Variants in ABCD3 observed in about 807,000 individuals in gnomAD.
ABCD3 encodes ATP binding cassette subfamily D member 3.
Under a neutral mutation model 105.5 loss-of-function variants are expected in ABCD3, and 41 were observed. The observed-to-expected ratio is 0.39, with a 90% CI of 0.30 to 0.50. ABCD3 has a LOEUF of 0.50. Ranked by LOEUF, ABCD3 falls within the 20% of genes least tolerant of loss-of-function variation. The pLI, the probability that ABCD3 is intolerant of heterozygous loss-of-function variation, is 0.84. For missense variants in ABCD3, 622 were observed against 806.3 expected (o/e 0.77, Z 2.77); for synonymous variants, 258 against 269.0 (o/e 0.96, Z 0.40).
At chr1:94,464,249 T>C (rs748587864) in intron 2 of ABCD3, among the ~76,000 whole-genome samples, 15 of 152,264 alleles carry the variant, frequency 9.9e-5, no homozygotes, top group South Asian at 2.1e-4. Context: ...AGACTGTATA[T>C]TGGAAATGTT....
rs1487661143 is a variant in ABCD3, at chr1:94,498,467, A to G, written c.1387-135A>G. 3 of 888,010 alleles carry G rather than the reference A, an allele frequency of 3.4e-6. No homozygotes were observed. The East Asian group carries it at 7.9e-5, about 23-fold the overall frequency. 55.0% of individuals were successfully genotyped at this position (888,010 alleles called of 1,614,324 possible). Reference sequence around the variant, plus strand: ...CAATACCTCTTCACTGCTCTACCTAATGCTACATTTACAGACAAATAGAAG... The same window carrying G: ...CAATACCTCTTCACTGCTCTACCTAGTGCTACATTTACAGACAAATAGAAG... On this transcript the variant is annotated intron_variant, in intron 16 of 22. Coordinates refer to ENST00000370214, the MANE Select transcript of ABCD3 (RefSeq NM_002858.4).
intron 20 of ABCD3, among the ~76,000 whole-genome samples, chr1:94,500,172 CTT>C (rs1320517728): frequency 2.6e-5 from 4 of 152,146 alleles, no homozygotes; most frequent in African/African-American, 9.7e-5. Flanking sequence ...AAAGAAACTA[CTT>C]TAATTGTTAT....
chr1:94,498,916 C>T (rs1649964797), intron 18 of ABCD3, 29 bp from the exon 19 acceptor site: 1 of 1,610,998 alleles, frequency 6.2e-7, no homozygotes. Flanking sequence ...CATGTTGCTT[C>T]TAATTGACTT....
intron 1 of ABCD3, chr1:94,419,322 AGGTG>A: frequency 1.0e-6 from 1 of 985,388 alleles, no homozygotes; most frequent in Non-Finnish European, 1.2e-6. Flanking sequence ...AGTGTGGTTT[AGGTG>A]AGGATCAAGC....
the ABCD3 span, among the ~76,000 whole-genome samples, chr1:94,402,104 A>G: frequency 2.6e-5 from 4 of 152,140 alleles, no homozygotes; most frequent in Admixed American, 1.3e-4. Context: ...AGATTCATTC[A>G]TGTTGCTGTA....
intron 1 of ABCD3, chr1:94,418,929 C>G (rs535237849): frequency 7.9e-6 from 3 of 379,252 alleles, no homozygotes; most frequent in Middle Eastern, 7.7e-4. Flanking sequence ...CCTACATCAC[C>G]CCCTTCTGTG....
chr1:94,393,909 C>T, the ABCD3 span, among the ~76,000 whole-genome samples: 1 of 152,106 alleles, frequency 6.6e-6, no homozygotes, highest in Non-Finnish European at 1.5e-5. Context: ...TGATGTAGAG[C>T]CTTTTCTTGC....
At chr1:94,398,920 C>CA in the ABCD3 span, among the ~76,000 whole-genome samples, 32 of 147,820 alleles carry the variant, frequency 2.2e-4, no homozygotes, top group Non-Finnish European at 4.0e-4. Context: ...GACTCCGTCT[C>CA]AAAAAAACAA....
At chr1:94,514,902 T>G (rs1160974120) in intron 21 of ABCD3, 25 of 478,702 alleles carry the variant, frequency 5.2e-5, no homozygotes, top group East Asian at 1.8e-4. Context: ...ATAGGAGATA[T>G]GTTTTTTGCC....
chr1:94,406,369 G>GGTT, the ABCD3 span: 130 of 255,982 alleles, frequency 5.1e-4, 1 homozygote, highest in East Asian at 8.4e-3. Flanking sequence ...CAGTCCAGTG[G>GGTT]GTTGTTGTTG....
chr1:94,488,073 G>C, intron 13 of ABCD3, 90 bp downstream of exon 13: 1 of 1,079,346 alleles, frequency 9.3e-7, no homozygotes. Flanking sequence ...TAAGATAAGG[G>C]GTCAACATTT....
At chr1:94,511,121 G>A (rs867470674) in intron 21 of ABCD3, among the ~76,000 whole-genome samples, 3 of 151,954 alleles carry the variant, frequency 2.0e-5, no homozygotes, top group East Asian at 3.9e-4. Context: ...ATTTTGCAGC[G>A]GCTGGTACCA....
intron 16 of ABCD3, among the ~76,000 whole-genome samples, chr1:94,496,694 GTTTTTTTTTTTTTTT>G (rs71094302): frequency 8.4e-4 from 33 of 39,378 alleles, no homozygotes; most frequent in Admixed American, 5.0e-3. Flanking sequence ...CCTTGTTTCT[GTTTTTTTTTTTTTTT>G]TTTTTTTTTT....
chr1:94,472,945 T>C (rs534737142), intron 4 of ABCD3, among the ~76,000 whole-genome samples: 123 of 152,350 alleles, frequency 8.1e-4, no homozygotes, highest in African/African-American at 2.3e-3. Flanking sequence ...CCTTTACTTA[T>C]ATAATACTGC....
intron 4 of ABCD3, among the ~76,000 whole-genome samples, chr1:94,470,439 T>G (rs1245246272): frequency 1.3e-5 from 2 of 152,216 alleles, no homozygotes; most frequent in African/African-American, 4.8e-5. Flanking sequence ...TATTGAGGCC[T>G]CTTGCCATTC....
At chr1:94,499,660 G>A (rs1190784946) in intron 20 of ABCD3, 46 bp downstream of exon 20, 2 of 1,609,458 alleles carry the variant, frequency 1.2e-6, no homozygotes, top group East Asian at 2.2e-5. Flanking sequence ...ACTGGTTCCA[G>A]CATTTTGATT....
intron 16 of ABCD3, among the ~76,000 whole-genome samples, chr1:94,496,595 A>G (rs1027472949): frequency 6.6e-6 from 1 of 150,484 alleles, no homozygotes; most frequent in African/African-American, 2.5e-5. Context: ...AGTTCTTTCA[A>G]TGCCTGCCAC....
In ABCD3 at chr1:94,478,648, C is replaced by T. The variant is rs1448814123; in HGVS notation, c.684+333C>T. 33 of 984,830 alleles carry T rather than the reference C, an allele frequency of 3.4e-5. No individual in the cohort carries two copies. The South Asian group carries it at 3.7e-4, about 11-fold the overall frequency. 61.0% of individuals were successfully genotyped at this position (984,830 alleles called of 1,614,324 possible). On this transcript the variant is annotated intron_variant, in intron 8 of 22. Transcript: ENST00000370214. ...GGAGGATCGCTTGAATCCAGGAGTT[C>T]GAGACAAGCCTGGACAAAAAGCGAG...
chr1:94,413,951 G>A (rs976539124), upstream of ABCD3, among the ~76,000 whole-genome samples: 7 of 152,154 alleles, frequency 4.6e-5, no homozygotes, highest in Admixed American at 1.3e-4. Context: ...GACCATGAAC[G>A]CTTCGTTTTA....
Sources: allele counts gnomAD v4.1 joint callset (sites outside exome capture counted in the v4.1 genomes callset), GRCh38; gene constraint gnomAD v4.1.1; transcripts MANE v1.5; gene names NCBI Gene and HGNC (gene_info 2026-07-23, HGNC 2026-07-21).